The following DPYD variants were observed in gnomAD, a reference collection of about 807,000 sequenced individuals.
DPYD encodes the protein dihydropyrimidine dehydrogenase.
DPYD carries 109 observed loss-of-function variants against 116.2 expected under a neutral mutation model. That is an observed-to-expected ratio of 0.94 (90% CI 0.80 to 1.10). DPYD has a LOEUF of 1.10. DPYD is among the 50% of genes least tolerant of loss of function. The probability of loss-of-function intolerance (pLI) is 0.00; values close to 1 mark genes in which losing one functional copy is unlikely to be tolerated. For missense variants in DPYD, 1,302 were observed against 1,254.5 expected (o/e 1.04, Z -0.57); for synonymous variants, 440 against 432.0 (o/e 1.02, Z -0.23).
intron 10 of DPYD, among the ~76,000 whole-genome samples, chr1:97,584,267 T>C (rs183789985): frequency 4.7e-4 from 71 of 152,232 alleles, no homozygotes; most frequent in African/African-American, 1.6e-3. Flanking sequence ...GGTTGTTTTT[T>C]TCTTGTAAAT....
At chr1:97,734,564 C>T (rs866656000) in intron 4 of DPYD, among the ~76,000 whole-genome samples, 1 of 152,134 alleles carries the variant, frequency 6.6e-6, no homozygotes, top group African/African-American at 2.4e-5. Flanking sequence ...TCAGTTTAGA[C>T]TATCCACTCA....
rs187597149 is a variant in DPYD, at chr1:97,440,468, T to C, written c.1905+9591A>G. Among the ~76,000 whole-genome samples the C allele has an allele frequency of 1.3e-4, 20 of 152,248 alleles. No individual in the cohort carries two copies. In the East Asian group the frequency reaches 3.9e-3, roughly 29 times the overall value. ...TTAAGTACTTTTTATTATTCCATTA[T>C]ATATTGATTGTTGGTTTTTTGGCTA... On this transcript the variant is annotated intron_variant, in intron 14 of 22. Transcript: ENST00000370192.
At chr1:97,192,682 T>C (rs1440022960) in intron 20 of DPYD, among the ~76,000 whole-genome samples, 3 of 152,206 alleles carry the variant, frequency 2.0e-5, no homozygotes, top group Admixed American at 2.0e-4. Context: ...AACTTCCTTA[T>C]ATTATTCAAG....
chr1:97,480,302 T>C (rs1678227300), intron 13 of DPYD, among the ~76,000 whole-genome samples: 1 of 152,124 alleles, frequency 6.6e-6, no homozygotes, highest in Non-Finnish European at 1.5e-5. Flanking sequence ...TACTCAGAAA[T>C]GAAGTACACT....
intron 2 of DPYD, chr1:97,856,153 A>C (rs1218879482): frequency 2.0e-5 from 3 of 152,230 alleles, no homozygotes; most frequent in Non-Finnish European, 4.4e-5. Flanking sequence ...AAAAGTCTGC[A>C]AACTGGGAAA....
chr1:97,277,295 C>T lies in DPYD; in HGVS notation c.2299+27964G>A, dbSNP rs146467625. ...CCTGGGTGACAGGATCATTCATATC[C>T]CAAACCCCAGCATCACACAAATTAC... On this transcript the variant is annotated intron_variant, in intron 18 of 22. Coordinates refer to ENST00000370192, the MANE Select transcript of DPYD (RefSeq NM_000110.4). Among the ~76,000 whole-genome samples the T allele has an allele frequency of 5.3e-5, 8 of 151,916 alleles. No homozygotes were observed. In the East Asian group the frequency reaches 1.2e-3, roughly 22 times the overall value.
rs1461136124 is a variant in DPYD, at chr1:97,871,683, C to CTTT, written c.150+11578_150+11580dup. On this transcript the variant is annotated intron_variant, in intron 2 of 22. Coordinates refer to ENST00000370192, the MANE Select transcript of DPYD (RefSeq NM_000110.4). ...TTTTGTGGCTGTTTCTCTCTCTCTT[C>CTTT]TTTCTGTTTCTGTAGAAATATGCTA... Among the ~76,000 whole-genome samples, 4 of 151,406 alleles carry CTTT rather than the reference C, an allele frequency of 2.6e-5. No individual in the cohort carries two copies. The East Asian group carries it at 7.8e-4, about 30-fold the overall frequency.
chr1:97,415,599 G>A (rs1479771545), intron 14 of DPYD, among the ~76,000 whole-genome samples: 1 of 152,194 alleles, frequency 6.6e-6, no homozygotes, highest in African/African-American at 2.4e-5. Flanking sequence ...TGGGACTACA[G>A]GCGTGAGCCA....
chr1:97,264,339 G>A (rs1311238839), intron 18 of DPYD, among the ~76,000 whole-genome samples: 2 of 150,950 alleles, frequency 1.3e-5, no homozygotes, highest in African/African-American at 2.4e-5. Context: ...GTATTTTTTT[G>A]TTTTATGTTT....
chr1:97,586,303 T>C (rs1360209610), intron 10 of DPYD: 1 of 151,238 alleles, frequency 6.6e-6, no homozygotes, highest in Non-Finnish European at 1.5e-5. Context: ...AGGAATAAAG[T>C]AGTCTTATAT....
intron 14 of DPYD, among the ~76,000 whole-genome samples, chr1:97,433,094 C>A (rs1228175955): frequency 6.6e-6 from 1 of 152,114 alleles, no homozygotes; most frequent in Non-Finnish European, 1.5e-5. Context: ...TTCCTCTAGT[C>A]TTCCAAAGAG....
intron 11 of DPYD, among the ~76,000 whole-genome samples, chr1:97,558,304 T>G (rs1298375746): frequency 6.6e-6 from 1 of 152,188 alleles, no homozygotes; most frequent in Admixed American, 6.5e-5. Flanking sequence ...CCCCCCAGCA[T>G]CTAGCATATA....
chr1:97,690,171 TA>T (rs1248488644), intron 7 of DPYD, among the ~76,000 whole-genome samples: 1 of 152,082 alleles, frequency 6.6e-6, no homozygotes, highest in Non-Finnish European at 1.5e-5. Context: ...GCATACTTTT[TA>T]TTTGAGCAGA....
intron 14 of DPYD, among the ~76,000 whole-genome samples, chr1:97,408,622 T>G (rs937756763): frequency 6.6e-6 from 1 of 152,136 alleles, no homozygotes; most frequent in Non-Finnish European, 1.5e-5. Flanking sequence ...ATAGTTAAAA[T>G]TGAGTGTCAA....
At chr1:97,760,935 A>G (rs1165137929) in intron 3 of DPYD, among the ~76,000 whole-genome samples, 6 of 152,146 alleles carry the variant, frequency 3.9e-5, no homozygotes, top group Admixed American at 3.9e-4. Flanking sequence ...TTAGAACAAC[A>G]CTGAAAGTCG....
At chr1:97,867,934 T>C (rs1671468009) in intron 2 of DPYD, among the ~76,000 whole-genome samples, 1 of 151,824 alleles carries the variant, frequency 6.6e-6, no homozygotes. Context: ...GGTTCAGTTG[T>C]GTGTTTGCAG....
chr1:97,570,717 C>CT (rs557953770), intron 11 of DPYD, among the ~76,000 whole-genome samples: 85 of 145,544 alleles, frequency 5.8e-4, no homozygotes, highest in Middle Eastern at 3.5e-3. Flanking sequence ...ATAAGGTGAA[C>CT]TTTTTTTTTT....
At chr1:97,589,049 C>A (rs1654335271) in intron 10 of DPYD, among the ~76,000 whole-genome samples, 1 of 152,148 alleles carries the variant, frequency 6.6e-6, no homozygotes, top group Non-Finnish European at 1.5e-5. Context: ...GAATCAGCAA[C>A]TCTAGGGACA....
At chr1:97,533,478 C>T (rs532119955) in intron 12 of DPYD, among the ~76,000 whole-genome samples, 16 of 152,000 alleles carry the variant, frequency 1.1e-4, no homozygotes, top group Non-Finnish European at 1.6e-4. Context: ...TGACAGGCCC[C>T]GGGGCAAAGG....
Sources: gnomAD v4.1 joint callset for allele counts (sites outside exome capture counted in the v4.1 genomes callset) on GRCh38, gnomAD v4.1.1 for gene constraint, MANE v1.5 for transcripts, NCBI Gene and HGNC (gene_info 2026-07-23, HGNC 2026-07-21) for gene names.